MAPK10: variants seen among roughly 807,000 people sequenced by gnomAD.
MAPK10 encodes the protein JNK3 alpha protein kinase.
In MAPK10, 25 loss-of-function variants were observed where a neutral mutation model predicts 59.3. The ratio of observed to expected loss-of-function variants is 0.42; its 90% CI spans 0.31 to 0.59. MAPK10 has a LOEUF of 0.59. Ranked by LOEUF, MAPK10 falls within the 20% of genes least tolerant of loss-of-function variation. The pLI, the probability that MAPK10 is intolerant of heterozygous loss-of-function variation, is 0.15. For synonymous variants in MAPK10, 190 were observed against 200.5 expected (o/e 0.95, Z 0.44); for missense variants, 351 against 568.9 (o/e 0.62, Z 3.90).
intron 2 of MAPK10, among the ~76,000 whole-genome samples, chr4:86,252,135 T>C (rs2093473819): frequency 8.1e-6 from 1 of 123,912 alleles, no homozygotes. Context: ...CTGTTCACTC[T>C]GATGGTAGTT....
intron 13 of MAPK10, chr4:86,020,455 T>C (rs1745877568): frequency 6.5e-6 from 1 of 153,112 alleles, no homozygotes. Context: ...CACCTAGAAG[T>C]GGAATTGCTG....
At chr4:86,371,160 C>T (rs373991528) in intron 1 of MAPK10, among the ~76,000 whole-genome samples, 2 of 152,160 alleles carry the variant, frequency 1.3e-5, no homozygotes, top group East Asian at 3.8e-4. Flanking sequence ...TTAACAAATA[C>T]TACCTTATGA....
At chr4:86,295,462 G>T (rs1336729611) in intron 2 of MAPK10, among the ~76,000 whole-genome samples, 1 of 151,858 alleles carries the variant, frequency 6.6e-6, no homozygotes, top group Admixed American at 6.6e-5. Context: ...TTTTTTGTCA[G>T]CGTCCCTTCC....
chr4:86,312,720 C>T (rs1210273803), intron 2 of MAPK10, among the ~76,000 whole-genome samples: 2 of 151,978 alleles, frequency 1.3e-5, no homozygotes, highest in Admixed American at 6.6e-5. Context: ...ATTCAGGGAA[C>T]GACACTAGGA....
At chr4:86,021,676 G>A (rs1304642444) in intron 13 of MAPK10, among the ~76,000 whole-genome samples, 1 of 152,224 alleles carries the variant, frequency 6.6e-6, no homozygotes, top group Non-Finnish European at 1.5e-5. Context: ...CGTCGGGGAG[G>A]CTCGGGCTGC....
intron 11 of MAPK10, among the ~76,000 whole-genome samples, chr4:86,055,797 G>A (rs899126436): frequency 1.3e-5 from 2 of 149,682 alleles, no homozygotes; most frequent in Admixed American, 6.6e-5. Flanking sequence ...AGTAACTCAA[G>A]TTTTGCAGTT....
intron 11 of MAPK10, among the ~76,000 whole-genome samples, chr4:86,036,116 G>A (rs967906333): frequency 2.0e-5 from 3 of 152,180 alleles, no homozygotes; most frequent in African/African-American, 7.2e-5. Flanking sequence ...CAAAAAGCTA[G>A]TAATTGGCCA....
At chr4:86,131,335 G>C (rs4407492) in intron 4 of MAPK10, among the ~76,000 whole-genome samples, 87,740 of 151,924 alleles carry the variant, frequency 0.58, 27,093 homozygotes, top group South Asian at 0.74. Flanking sequence ...AAGAGGAGTA[G>C]AGAAAATAAT....
Position 86,202,508 on chromosome 4 carries a change from C to A in MAPK10, c.-6-8101G>T, listed in dbSNP as rs186648320. On this transcript the variant is annotated intron_variant, in intron 2 of 13. Transcript: ENST00000641462. ...ATGTTTACTGAATGAAAGAAGAACC[C>A]AATTTTAAAAGTACAAATCTACATT... Among the ~76,000 whole-genome samples, 454 of 151,910 alleles carry A rather than the reference C, an allele frequency of 3.0e-3. 1 individual carries two copies. Among genetic ancestry groups the A allele is most frequent in the Non-Finnish European group, 5.0e-3 (339 of 67,862 alleles).
intron 1 of MAPK10, among the ~76,000 whole-genome samples, chr4:86,410,336 C>T (rs565306820): frequency 1.9e-3 from 282 of 152,322 alleles, no homozygotes; most frequent in Non-Finnish European, 3.3e-3. Flanking sequence ...CATCAATGTT[C>T]ATCAGGGATA....
intron 1 of MAPK10, among the ~76,000 whole-genome samples, chr4:86,496,012 A>C (rs1202935174): frequency 6.6e-6 from 1 of 152,240 alleles, no homozygotes; most frequent in African/African-American, 2.4e-5. Flanking sequence ...TAAACATCAA[A>C]AATTTGAAAT....
chr4:86,427,009 G>T (rs1292086897), intron 1 of MAPK10, among the ~76,000 whole-genome samples: 2 of 151,872 alleles, frequency 1.3e-5, no homozygotes, highest in East Asian at 3.9e-4. Context: ...TGTAATCCCA[G>T]CACTTTGAGA....
intron 1 of MAPK10, among the ~76,000 whole-genome samples, chr4:86,448,868 G>A (rs1247327000): frequency 1.3e-5 from 2 of 152,110 alleles, no homozygotes; most frequent in Non-Finnish European, 2.9e-5. Flanking sequence ...CCTGCAACTA[G>A]TCAGTCCCAT....
At chr4:86,427,645 A>G (rs1747481137) in intron 1 of MAPK10, among the ~76,000 whole-genome samples, 1 of 152,252 alleles carries the variant, frequency 6.6e-6, no homozygotes, top group Admixed American at 6.5e-5. Flanking sequence ...TCAAGACATG[A>G]CAGATTACAT....
In MAPK10 at chr4:86,399,886, T is replaced by A. The variant is rs540103802; in HGVS notation, c.-121-45242A>T. ...TTAGAAAAGAATGAAAACTTGATAA[T>A]GACTAAAAATACATTTATTTTAAGT... On this transcript the variant is annotated intron_variant, in intron 1 of 13. Coordinates refer to the MAPK10 transcript ENST00000361569. 4 of 152,228 alleles carry A rather than the reference T, an allele frequency of 2.6e-5. No individual in the cohort carries two copies. The East Asian group carries it at 5.8e-4, about 22-fold the overall frequency. The allele number at this position is 152,228 out of a possible 1,614,324, so 9.4% of individuals were successfully genotyped here.
chr4:86,093,823 A>G (rs2149055950), intron 9 of MAPK10, among the ~76,000 whole-genome samples: 1 of 152,064 alleles, frequency 6.6e-6, no homozygotes, highest in East Asian at 1.9e-4. Context: ...GAGAAGAGTT[A>G]GCAGGCACAC....
intron 11 of MAPK10, 58 bp from the exon 12 acceptor site, chr4:86,031,489 T>C (rs1254719751): frequency 8.3e-7 from 1 of 1,210,908 alleles, no homozygotes; most frequent in South Asian, 1.2e-5. Flanking sequence ...AACTAAACTC[T>C]TACAATGCAC....
intron 1 of MAPK10, among the ~76,000 whole-genome samples, chr4:86,552,466 AGGGAGGGAG>A (rs1759891169): frequency 5.9e-5 from 2 of 33,986 alleles, no homozygotes; most frequent in African/African-American, 1.8e-4. Context: ...GGAAGGAGGG[AGGGAGGGAG>A]GGAGGGAGGG....
intron 11 of MAPK10, among the ~76,000 whole-genome samples, chr4:86,063,166 G>C (rs1205718701): frequency 6.6e-6 from 1 of 152,144 alleles, no homozygotes; most frequent in African/African-American, 2.4e-5. Context: ...TGTCTGTAAA[G>C]TTCAATTCTA....
Sources: gnomAD v4.1 joint callset for allele counts (sites outside exome capture counted in the v4.1 genomes callset) on GRCh38, gnomAD v4.1.1 for gene constraint, MANE v1.5 for transcripts, NCBI Gene and HGNC (gene_info 2026-07-23, HGNC 2026-07-21) for gene names.